The following SELPLG variants were observed in gnomAD, a reference collection of about 807,000 sequenced individuals.
SELPLG encodes the protein P-selectin glycoprotein ligand 1.
Under a neutral mutation model 1.1 loss-of-function variants are expected in SELPLG, and 2 were observed. The observed-to-expected ratio is 1.82, with a 90% CI of 0.74 to 5.71. The LOEUF (loss-of-function observed/expected upper bound fraction) is 5.71, where lower values mean the gene tolerates loss of function less well. Ranked by LOEUF, SELPLG falls within the 30% of genes most tolerant of loss-of-function variation. SELPLG has a pLI of 0.05. For missense variants in SELPLG, 478 were observed against 524.7 expected (o/e 0.91, Z 0.87); for synonymous variants, 230 against 221.2 (o/e 1.04, Z -0.35).
At chr12:108,629,175 T>C (rs1031959043) in intron 1 of SELPLG, among the ~76,000 whole-genome samples, 13 of 152,164 alleles carry the variant, frequency 8.5e-5, no homozygotes, top group African/African-American at 2.9e-4. Context: ...TAAGACCTGG[T>C]ACATTCGGAA....
chr12:108,622,906 C>T lies in SELPLG; in HGVS notation c.*163G>A, dbSNP rs767414338. 10 of 659,966 alleles carry T rather than the reference C, an allele frequency of 1.5e-5. No individual in the cohort carries two copies. Among genetic ancestry groups the T allele is most frequent in the Non-Finnish European group, 2.1e-5 (9 of 420,370 alleles). 40.9% of individuals were successfully genotyped at this position (659,966 alleles called of 1,614,324 possible). A position where few individuals can be genotyped will look rare whatever the true frequency, so the allele number is the denominator to read the frequency against. ...ACTTGCCCGTCTGCTTGGCCCCAGG[C>T]TGCTCTTGTCCTGTTTGGGTGGCCA... is the stretch of plus-strand genomic sequence containing the variant. On this transcript the variant is annotated 3_prime_UTR_variant, in exon 2 of 2. Coordinates refer to ENST00000550948, the MANE Select transcript of SELPLG (RefSeq NM_003006.4).
chr12:108,628,389 GGCA>G (rs1168463660), intron 1 of SELPLG, among the ~76,000 whole-genome samples: 1 of 149,824 alleles, frequency 6.7e-6, no homozygotes, highest in Non-Finnish European at 1.5e-5. Context: ...TTGCCTTCAG[GGCA>G]GCAGAATTTC....
Position 108,622,209 on chromosome 12 carries a change from G to A in SELPLG, c.*860C>T, listed in dbSNP as rs2031834477. 6.6e-6 allele frequency: 1 copy of A among 152,284 alleles called. No individual in the cohort carries two copies. Among genetic ancestry groups the A allele is most frequent in the South Asian group, 2.1e-4 (1 of 4,836 alleles). The allele number at this position is 152,284 out of a possible 1,614,324, so 9.4% of individuals were successfully genotyped here. ...AGGACCAGCCCCCATCCTGCACTGA[G>A]GGATGGAGAATTCCGGGAAGGCTGC... On this transcript the variant is annotated 3_prime_UTR_variant, in exon 2 of 2. Transcript: ENST00000550948.
In SELPLG at chr12:108,622,969, C is replaced by T; in HGVS notation, c.*100G>A. 7.9e-7 allele frequency: 1 copy of T among 1,272,964 alleles called. No individual in the cohort carries two copies. 78.9% of individuals were successfully genotyped at this position (1,272,964 alleles called of 1,614,324 possible). A position where few individuals can be genotyped will look rare whatever the true frequency, so the allele number is the denominator to read the frequency against. ...TGAAGATCCCCATCCCCAGGGGTCTCCGAGGAAGCCCAGAGCTGTGGAATG... is the reference window on the plus strand; with the variant it reads ...TGAAGATCCCCATCCCCAGGGGTCTTCGAGGAAGCCCAGAGCTGTGGAATG... On this transcript the variant is annotated 3_prime_UTR_variant, in exon 2 of 2. Coordinates refer to ENST00000550948, the MANE Select transcript of SELPLG (RefSeq NM_003006.4).
intron 1 of SELPLG, chr12:108,632,050 T>G (rs943456623): frequency 3.6e-6 from 3 of 831,712 alleles, no homozygotes; most frequent in Admixed American, 2.3e-5. Flanking sequence ...AAAGGGGCAC[T>G]GTCCACCCTC....
chr12:108,633,466 A>C (rs550125950), intron 1 of SELPLG, among the ~76,000 whole-genome samples: 6 of 152,094 alleles, frequency 3.9e-5, no homozygotes, highest in Non-Finnish European at 8.8e-5. Flanking sequence ...GTGCCACTGC[A>C]CTCCAGCCTG....
chr12:108,626,209 A>G (rs2031934296), intron 1 of SELPLG, among the ~76,000 whole-genome samples: 2 of 141,324 alleles, frequency 1.4e-5, no homozygotes, highest in East Asian at 2.0e-4. Context: ...ACCTTGGCTC[A>G]CTGCAACCTC....
rs1345538531 is a variant in SELPLG at position 108,623,587 on chromosome 12, C to G, written c.721G>C (p.Ala241Pro). Residue 241 changes from alanine to proline, a missense_variant, in exon 2 of 2, where the codon GCA becomes CCA. Coordinates refer to ENST00000550948, the MANE Select transcript of SELPLG (RefSeq NM_003006.4). ...GTGGCTGTGGGTTGAGTGGTCTGTG[C>G]CTCCGTGGCTTCTGGTGCAGTGGTC... ...AQTTAPEATE[A>P]QTTQPTATEA... 2.5e-6 allele frequency: 4 copies of G among 1,612,424 alleles called. No homozygotes were observed. Among genetic ancestry groups the G allele is most frequent in the Admixed American group, 3.3e-5 (2 of 59,808 alleles).
chr12:108,632,246 G>T (rs1565891021), intron 1 of SELPLG, among the ~76,000 whole-genome samples: 1 of 152,198 alleles, frequency 6.6e-6, no homozygotes. Flanking sequence ...GAGGGCCTGG[G>T]AGCCACCTTC....
intron 1 of SELPLG, among the ~76,000 whole-genome samples, chr12:108,630,241 C>A (rs1462136613): frequency 6.6e-6 from 1 of 152,184 alleles, no homozygotes. Context: ...CCATCTAGAC[C>A]CCATATGGGC....
intron 1 of SELPLG, among the ~76,000 whole-genome samples, chr12:108,632,434 G>A (rs2032078410): frequency 6.6e-6 from 1 of 150,850 alleles, no homozygotes; most frequent in African/African-American, 2.5e-5. Context: ...GTGTGAATGT[G>A]TGTACAGCAG....
At chr12:108,631,944 AG>A (rs2032064721) in intron 1 of SELPLG, 2 of 1,535,486 alleles carry the variant, frequency 1.3e-6, no homozygotes, top group South Asian at 2.4e-5. Flanking sequence ...ACACAGGCCT[AG>A]GGTCACCACG....
chr12:108,631,808 C>T lies in SELPLG; in HGVS notation c.-6+1932G>A, dbSNP rs1282273792. 1.0e-5 allele frequency: 13 copies of T among 1,305,056 alleles called. No individual in the cohort carries two copies. The East Asian group carries it at 3.3e-4, about 33-fold the overall frequency. The allele number at this position is 1,305,056 out of a possible 1,614,324, so 80.8% of individuals were successfully genotyped here. A position where few individuals can be genotyped will look rare whatever the true frequency, so the allele number is the denominator to read the frequency against. ...TGTCTTTAAACAGTTTTCTAAACACCCCTGTGTAGACAGACAGATTAACAA... is the reference window on the plus strand; with the variant it reads ...TGTCTTTAAACAGTTTTCTAAACACTCCTGTGTAGACAGACAGATTAACAA... On this transcript the variant is annotated intron_variant, in intron 1 of 1. Transcript: ENST00000550948.
At chr12:108,631,129 G>A (rs545713441) in intron 1 of SELPLG, among the ~76,000 whole-genome samples, 1 of 152,336 alleles carries the variant, frequency 6.6e-6, no homozygotes, top group East Asian at 1.9e-4. Context: ...CACAGCACGT[G>A]CTGTCTTCAC....
At chr12:108,627,352 T>A (rs1021032872) in intron 1 of SELPLG, among the ~76,000 whole-genome samples, 1 of 151,996 alleles carries the variant, frequency 6.6e-6, no homozygotes, top group Non-Finnish European at 1.5e-5. Context: ...CTTGTGGACT[T>A]GGGTGGGAGA....
chr12:108,626,524 T>G (rs951578743), intron 1 of SELPLG, among the ~76,000 whole-genome samples: 3 of 152,234 alleles, frequency 2.0e-5, no homozygotes. Flanking sequence ...AGAGACAGAT[T>G]CTCACTTTGT....
chr12:108,623,036 G>T lies in SELPLG; in HGVS notation c.*33C>A, dbSNP rs1592816799. On this transcript the variant is annotated 3_prime_UTR_variant, in exon 2 of 2. Coordinates refer to ENST00000550948, the MANE Select transcript of SELPLG (RefSeq NM_003006.4). ...GGGTGGCCCAGGAGAGCCCGTGGAG[G>T]TGGGGTCTTGCCAAAACAGATGGCA... is the stretch of plus-strand genomic sequence containing the variant. The T allele has an allele frequency of 1.4e-6, 2 of 1,461,060 alleles. No homozygotes were observed. Among genetic ancestry groups the T allele is most frequent in the South Asian group, 1.4e-5 (1 of 69,070 alleles). The allele number at this position is 1,461,060 out of a possible 1,614,324, so 90.5% of individuals were successfully genotyped here. A position where few individuals can be genotyped will look rare whatever the true frequency, so the allele number is the denominator to read the frequency against.
chr12:108,622,537 T>G lies in SELPLG; in HGVS notation c.*532A>C, dbSNP rs1042052243. 3 of 152,872 alleles carry G rather than the reference T, an allele frequency of 2.0e-5. No homozygotes were observed. The highest frequency in any genetic ancestry group is 7.2e-5 in the African/African-American group (3 of 41,442). 9.5% of individuals were successfully genotyped at this position (152,872 alleles called of 1,614,324 possible). ...GAGAGGTGCCCAAGAAGACCCAAGC[T>G]GCCCCAAGTCAGAGGAGCAGCAGGA... On this transcript the variant is annotated 3_prime_UTR_variant, in exon 2 of 2. Transcript: ENST00000550948.
rs143398240 is a variant in SELPLG, at chr12:108,623,303, G to C, written c.1005C>G (p.Phe335Leu). 4 of 1,614,238 alleles carry C rather than the reference G, an allele frequency of 2.5e-6. No homozygotes were observed. The highest frequency in any genetic ancestry group is 1.1e-5 in the South Asian group (1 of 91,080). ...LILALVATIF[F>L]VCTVVLAVRL... ...GGACCGCCAGCACCACAGTGCACAC[G>C]AAGAAGATAGTGGCCACCAGCGCCA... The change falls in exon 2 of 2, where the codon TTC becomes TTG. Residue 335 changes from phenylalanine to leucine, a missense_variant. Phe to Leu is a conservative substitution (Grantham distance 22, BLOSUM62 0). Transcript: ENST00000550948.
Sources: gnomAD v4.1 joint callset for allele counts (sites outside exome capture counted in the v4.1 genomes callset) on GRCh38, gnomAD v4.1.1 for gene constraint, MANE v1.5 for transcripts, NCBI Gene and HGNC (gene_info 2026-07-23, HGNC 2026-07-21) for gene names.